Variants in C4orf17 observed in about 807,000 individuals in gnomAD.
C4orf17 encodes the protein uncharacterized protein C4orf17.
Under a neutral mutation model 32.0 loss-of-function variants are expected in C4orf17, and 25 were observed. That is an observed-to-expected ratio of 0.78 (90% CI 0.57 to 1.09). The LOEUF (loss-of-function observed/expected upper bound fraction) is 1.09. Ranked by LOEUF, C4orf17 falls within the 50% of genes least tolerant of loss-of-function variation. The pLI is 0.00. For synonymous variants in C4orf17, 149 were observed against 145.8 expected (o/e 1.02, Z -0.16); for missense variants, 420 against 420.0 (o/e 1.00, Z 0.00).
chr4:99,539,126 C>T, intron 6 of C4orf17, 37 bp from the exon 7 acceptor site: 8 of 1,579,574 alleles, frequency 5.1e-6, no homozygotes, highest in Non-Finnish European at 7.0e-6. Flanking sequence ...TAATTGCAAC[C>T]TTCACTCCTC....
At chr4:99,515,990 A>G (rs1485519972) in intron 2 of C4orf17, among the ~76,000 whole-genome samples, 2 of 152,158 alleles carry the variant, frequency 1.3e-5, no homozygotes, top group Non-Finnish European at 1.5e-5. Flanking sequence ...GCAGGGAAGA[A>G]ATGAAAAGGT....
chr4:99,526,992 G>A (rs1251475363), intron 4 of C4orf17, among the ~76,000 whole-genome samples: 1 of 151,836 alleles, frequency 6.6e-6, no homozygotes, highest in Non-Finnish European at 1.5e-5. Context: ...TAAAATCTTA[G>A]GTCATTGATT....
At chr4:99,527,045 T>G (rs775729071) in intron 4 of C4orf17, among the ~76,000 whole-genome samples, 8 of 152,182 alleles carry the variant, frequency 5.3e-5, no homozygotes, top group Non-Finnish European at 1.0e-4. Flanking sequence ...TATTACATTT[T>G]TCCTATAAGC....
chr4:99,536,167 G>A (rs575595127), intron 5 of C4orf17: 1 of 268,496 alleles, frequency 3.7e-6, no homozygotes, highest in East Asian at 1.2e-4. Context: ...GTGTGTAGAG[G>A]CTTCTATTGG....
Position 99,537,712 on chromosome 4 carries a change from C to A in C4orf17, c.590C>A (p.Ala197Glu). 6.2e-7 allele frequency: 1 copy of A among 1,612,820 alleles called. No homozygotes were observed. The highest frequency in any genetic ancestry group is 8.5e-7 in the Non-Finnish European group (1 of 1,179,864). ...AGCATTTTGCATACTGATTCTCTGG[C>A]AGAAGTTTTACAGTGGCTGCTTCAT... ...LCSILHTDSL[A>E]EVLQWLLHAT... The change falls in exon 6 of 9, where the codon GCA becomes GAA. Residue 197 changes from alanine to glutamate, a missense_variant. Coordinates refer to ENST00000326581, the MANE Select transcript of C4orf17 (RefSeq NM_032149.3).
At chr4:99,532,854 T>C (rs552773775) in intron 5 of C4orf17, among the ~76,000 whole-genome samples, 6 of 152,314 alleles carry the variant, frequency 3.9e-5, no homozygotes, top group South Asian at 4.1e-4. Flanking sequence ...CAGGAGACTT[T>C]GTAGCTCAGA....
At chr4:99,517,855 C>A (rs1723212611) in intron 2 of C4orf17, among the ~76,000 whole-genome samples, 1 of 152,182 alleles carries the variant, frequency 6.6e-6, no homozygotes, top group Admixed American at 6.5e-5. Context: ...CAACTGTCTA[C>A]TTGCAAGGCA....
intron 7 of C4orf17, 90 bp from the exon 8 acceptor site, chr4:99,540,322 T>C: frequency 1.2e-6 from 1 of 862,244 alleles, no homozygotes; most frequent in Non-Finnish European, 1.9e-6. Flanking sequence ...AAGATACATA[T>C]ACACTGAACT....
chr4:99,540,363 C>G (rs199632630), intron 7 of C4orf17, 49 bp from the exon 8 acceptor site: 5 of 1,414,222 alleles, frequency 3.5e-6, no homozygotes, highest in South Asian at 2.3e-5. Context: ...ATAGAAAATA[C>G]TTTTTTGTAT....
In C4orf17 at chr4:99,541,965, T is replaced by C. The variant is rs769108511; in HGVS notation, c.936T>C (p.Val312=). The change falls in exon 9 of 9, where the codon GTT becomes GTC. Residue 312 remains valine, a synonymous_variant. Coordinates refer to ENST00000326581, the MANE Select transcript of C4orf17 (RefSeq NM_032149.3). The stretch of plus-strand genomic sequence containing the variant: ...GAAGAAATAATATGAAAATACCTGT[T>C]GCAGAATATTTCAGCAAACCAAATT... ...LIRRNNMKIP[V]AEYFSKPNSP... 6.2e-7 allele frequency: 1 copy of C among 1,613,960 alleles called. No individual in the cohort carries two copies. The highest frequency in any genetic ancestry group is 8.5e-7 in the Non-Finnish European group (1 of 1,179,978).
At position 99,535,033 on chromosome 4, in the gene C4orf17, C is replaced by T. The variant is rs181038027; in HGVS notation, c.547-2636C>T. Among the ~76,000 whole-genome samples, 478 of 152,272 alleles carry T rather than the reference C, an allele frequency of 3.1e-3. 2 individuals are homozygous for T. The highest frequency in any genetic ancestry group is 0.01 in the African/African-American group (430 of 41,554). The stretch of plus-strand genomic sequence containing the variant: ...CAGATGTGAAATTCTGGGTTGGAAA[C>T]TCTTTTCTTTAAGAATGTTGAATAT... On this transcript the variant is annotated intron_variant, in intron 5 of 8. Transcript: ENST00000326581.
At chr4:99,535,421 G>A (rs371837720) in intron 5 of C4orf17, among the ~76,000 whole-genome samples, 1 of 151,844 alleles carries the variant, frequency 6.6e-6, no homozygotes, top group African/African-American at 2.4e-5. Context: ...ATTTCTCGGA[G>A]GTTTTGCTTA....
At chr4:99,519,675 T>C (rs752104272) in intron 2 of C4orf17, among the ~76,000 whole-genome samples, 6 of 152,224 alleles carry the variant, frequency 3.9e-5, no homozygotes, top group Non-Finnish European at 7.3e-5. Flanking sequence ...GAGCAATTGA[T>C]TTCATTCAAA....
chr4:99,519,387 G>A (rs968644457), intron 2 of C4orf17: 2 of 152,204 alleles, frequency 1.3e-5, no homozygotes, highest in African/African-American at 4.8e-5. Context: ...ATGTACTACA[G>A]CAATTACCAC....
At chr4:99,513,247 C>T (rs760088593) in intron 2 of C4orf17, 39 bp downstream of exon 2, 1 of 1,609,748 alleles carries the variant, frequency 6.2e-7, no homozygotes, top group Non-Finnish European at 8.5e-7. Flanking sequence ...TCTCTATTCT[C>T]TACACTTGGG....
intron 2 of C4orf17, among the ~76,000 whole-genome samples, chr4:99,520,426 T>C (rs1182492724): frequency 6.6e-6 from 1 of 152,242 alleles, no homozygotes; most frequent in Non-Finnish European, 1.5e-5. Flanking sequence ...TGAAACTTTT[T>C]TTCCTATGAA....
At chr4:99,523,839 A>G (rs949977259) in intron 3 of C4orf17, among the ~76,000 whole-genome samples, 3 of 152,150 alleles carry the variant, frequency 2.0e-5, no homozygotes, top group Non-Finnish European at 4.4e-5. Context: ...AAAGAAAATA[A>G]AGAATGTAAT....
chr4:99,528,787 G>A (rs962836741), intron 4 of C4orf17, among the ~76,000 whole-genome samples: 1 of 152,098 alleles, frequency 6.6e-6, no homozygotes, highest in Admixed American at 6.5e-5. Context: ...GGAATGGTAT[G>A]GGGGAACCTG....
At chr4:99,524,732 CAT>C in intron 4 of C4orf17, 147 bp downstream of exon 4, 1 of 540,708 alleles carries the variant, frequency 1.8e-6, no homozygotes, top group Non-Finnish European at 3.3e-6. Flanking sequence ...ATAAGATACA[CAT>C]ATTCAAAATG....
Sources: gnomAD v4.1 joint callset for allele counts (sites outside exome capture counted in the v4.1 genomes callset) on GRCh38, gnomAD v4.1.1 for gene constraint, MANE v1.5 for transcripts, NCBI Gene and HGNC (gene_info 2026-07-23, HGNC 2026-07-21) for gene names.